INO80: variants seen among roughly 807,000 people sequenced by gnomAD.
INO80 encodes the protein chromatin-remodeling ATPase INO80.
A neutral mutation model predicts 203.4 loss-of-function variants in INO80; 20 were observed. The ratio of observed to expected loss-of-function variants is 0.10; its 90% CI spans 0.07 to 0.14. INO80 has a LOEUF of 0.14. INO80 is among the 10% of genes least tolerant of loss of function. INO80 has a pLI of 1.00. For missense variants in INO80, 1,419 were observed against 1,914.4 expected (o/e 0.74, Z 4.83); for synonymous variants, 726 against 685.2 (o/e 1.06, Z -0.93).
chr15:41,069,524 G>T, intron 14 of INO80, 46 bp downstream of exon 14: 1 of 1,189,458 alleles, frequency 8.4e-7, no homozygotes, highest in Non-Finnish European at 1.2e-6. Flanking sequence ...GAGTCAAAAA[G>T]TTTATTTTAA....
chr15:40,988,028 TG>T, intron 29 of INO80, 54 bp from the exon 30 acceptor site: 1 of 1,498,690 alleles, frequency 6.7e-7, no homozygotes, highest in Non-Finnish European at 9.2e-7. Flanking sequence ...CCAGAAATTC[TG>T]AGAGCAACCC....
intron 26 of INO80, among the ~76,000 whole-genome samples, chr15:41,016,486 C>T (rs1348391497): frequency 1.3e-5 from 2 of 152,218 alleles, no homozygotes; most frequent in Non-Finnish European, 2.9e-5. Context: ...AGCATCCCTG[C>T]TCCACATCCT....
chr15:41,014,376 G>A (rs1320995714), intron 27 of INO80, among the ~76,000 whole-genome samples: 1 of 152,156 alleles, frequency 6.6e-6, no homozygotes, highest in East Asian at 1.9e-4. Context: ...CAAGGAAAGT[G>A]CACTTTACCT....
chr15:41,019,531 A>T (rs1036508447), intron 26 of INO80: 1 of 152,264 alleles, frequency 6.6e-6, no homozygotes, highest in Admixed American at 6.5e-5. Context: ...ATGGGAACTT[A>T]GGAGCCAGAA....
In INO80 at chr15:41,058,551, CTGTG is replaced by C. The variant is rs371784387; in HGVS notation, c.1985+84_1985+87del. 2.7e-4 allele frequency: 231 copies of C among 870,176 alleles called. 1 individual carries two copies. The highest frequency in any genetic ancestry group is 6.8e-4 in the South Asian group (36 of 52,644). The allele number at this position is 870,176 out of a possible 1,614,324, so 53.9% of individuals were successfully genotyped here. ...CTTGATTTTATTCATATATACAAGT[CTGTG>C]TGTGTGTGTGTGTGCGTGTGTGTGT... is the stretch of plus-strand genomic sequence containing the variant. On this transcript the variant is annotated intron_variant, in intron 16 of 35. Transcript: ENST00000648947.
At chr15:40,999,800 AG>A (rs1360442500) in intron 28 of INO80, among the ~76,000 whole-genome samples, 3 of 152,226 alleles carry the variant, frequency 2.0e-5, no homozygotes, top group Non-Finnish European at 4.4e-5. Context: ...AACCACAATA[AG>A]GCTTCAAATA....
intron 16 of INO80, 75 bp from the exon 17 acceptor site, chr15:41,056,781 T>A: frequency 8.4e-7 from 1 of 1,189,394 alleles, no homozygotes; most frequent in Non-Finnish European, 1.2e-6. Context: ...GACCCCATAT[T>A]GACAAAAATG....
intron 29 of INO80, 79 bp downstream of exon 29, chr15:40,997,450 G>C (rs1172187931): frequency 1.1e-6 from 1 of 919,148 alleles, no homozygotes; most frequent in South Asian, 1.4e-5. Context: ...AACAAACAAT[G>C]CCATATTAGA....
chr15:41,073,790 C>A (rs982194057), intron 10 of INO80, among the ~76,000 whole-genome samples: 1 of 152,144 alleles, frequency 6.6e-6, no homozygotes, highest in Non-Finnish European at 1.5e-5. Context: ...ACAATCAAGA[C>A]AATCAGGATT....
intron 1 of INO80, among the ~76,000 whole-genome samples, chr15:41,113,185 GA>G (rs2045981888): frequency 6.6e-6 from 1 of 152,098 alleles, no homozygotes; most frequent in Non-Finnish European, 1.5e-5. Flanking sequence ...AAAGTGCCGG[GA>G]TTACAGGTGT....
chr15:40,985,363 C>T lies in INO80; in HGVS notation c.3896G>A (p.Arg1299Gln), dbSNP rs778207798. ...CTTCTCTGCATACTTTTCCCGCTTC[C>T]GCTTGCGCTCTTTCACTCGGTTGGT... ...EETNRVKERK[R>Q]KREKYAEKKK... The change falls in exon 32 of 36, where the codon CGG (arginine) becomes CAG (glutamine). Residue 1299 changes from arginine (R) to glutamine (Q), a missense_variant. This residue lies in a region of INO80 where 214 missense variants were observed against 248.9 expected (regional missense o/e 0.86). Coordinates refer to ENST00000648947, the MANE Select transcript of INO80 (RefSeq NM_017553.3). 6.8e-6 allele frequency: 11 copies of T among 1,613,902 alleles called. No homozygotes were observed. The highest frequency in any genetic ancestry group is 2.2e-5 in the East Asian group (1 of 44,880).
intron 9 of INO80, among the ~76,000 whole-genome samples, chr15:41,077,993 C>T (rs997648305): frequency 1.3e-5 from 2 of 151,750 alleles, no homozygotes; most frequent in Non-Finnish European, 1.5e-5. Flanking sequence ...CTCCACCTCC[C>T]GGGTTCAAGC....
chr15:41,094,625 T>C (rs907463529), intron 4 of INO80, among the ~76,000 whole-genome samples: 1 of 152,190 alleles, frequency 6.6e-6, no homozygotes, highest in African/African-American at 2.4e-5. Flanking sequence ...CAGGAACTTA[T>C]GGAAGTTATG....
At chr15:40,983,303 T>A in intron 34 of INO80, 1 of 542,114 alleles carries the variant, frequency 1.8e-6, no homozygotes, top group South Asian at 2.2e-5. Flanking sequence ...CTGCTTTTCA[T>A]TCTGAAGAGC....
chr15:41,052,371 A>G (rs2044890144), intron 19 of INO80, among the ~76,000 whole-genome samples: 1 of 152,060 alleles, frequency 6.6e-6, no homozygotes. Flanking sequence ...GAGGATATAT[A>G]TACAATCCCT....
intron 26 of INO80, among the ~76,000 whole-genome samples, chr15:41,020,473 T>C (rs1016129004): frequency 5.3e-5 from 8 of 152,180 alleles, no homozygotes; most frequent in African/African-American, 1.4e-4. Flanking sequence ...TGCACTGTTT[T>C]TCCTCTTGTT....
intron 28 of INO80, among the ~76,000 whole-genome samples, chr15:40,998,311 G>A (rs2043909128): frequency 2.0e-5 from 3 of 152,012 alleles, no homozygotes; most frequent in Non-Finnish European, 4.4e-5. Context: ...GCGAGCCACC[G>A]TGCGGGGCCC....
rs71104765 is a variant in INO80 at position 41,008,224 on chromosome 15, T to TAC, written c.3403-2539_3403-2538dup. Among the ~76,000 whole-genome samples, 528 of 148,928 alleles carry TAC rather than the reference T, an allele frequency of 3.5e-3. 1 individual carries two copies. The highest frequency in any genetic ancestry group is 0.011 in the African/African-American group (460 of 40,282). On this transcript the variant is annotated intron_variant, in intron 27 of 35. Coordinates refer to ENST00000648947, the MANE Select transcript of INO80 (RefSeq NM_017553.3). ...ATAAAGAATATGTGATATATATACA[T>TAC]ACACACACACACACACACACACACA...
intron 29 of INO80, among the ~76,000 whole-genome samples, chr15:40,990,838 T>C (rs958571311): frequency 2.6e-5 from 4 of 152,206 alleles, no homozygotes; most frequent in Non-Finnish European, 5.9e-5. Flanking sequence ...TAACATTACT[T>C]GCCCAGTGTA....
Sources: gnomAD v4.1 joint callset for allele counts (sites outside exome capture counted in the v4.1 genomes callset) on GRCh38, gnomAD v4.1.1 for gene constraint, gnomAD v4.1.1 regional missense constraint, MANE v1.5 for transcripts, NCBI Gene and HGNC (gene_info 2026-07-23, HGNC 2026-07-21) for gene names.